CACNA1E: variants seen among roughly 807,000 people sequenced by gnomAD.
CACNA1E encodes the protein voltage-dependent R-type calcium channel subunit alpha-1E.
Under a neutral mutation model 259.2 loss-of-function variants are expected in CACNA1E, and 40 were observed. That is an observed-to-expected ratio of 0.15 (90% CI 0.12 to 0.20). The LOEUF (loss-of-function observed/expected upper bound fraction) is 0.20. CACNA1E is among the 10% of genes least tolerant of loss of function. CACNA1E has a pLI of 1.00. For missense variants in CACNA1E, 1,874 were observed against 3,040.1 expected, an observed-to-expected ratio of 0.62 and a Z score of 9.02; for synonymous variants, 1,104 against 1,138.5, an observed-to-expected ratio of 0.97 and a Z score of 0.61.
rs1246614793 is a variant in CACNA1E, at chr1:181,758,146, C to T, written c.4494+35C>T. 6.3e-7 allele frequency: 1 copy of T among 1,597,372 alleles called. No individual in the cohort carries two copies. The highest frequency in any genetic ancestry group is 8.6e-7 in the Non-Finnish European group (1 of 1,168,366). On this transcript the variant is annotated intron_variant, in intron 31 of 47. Transcript: ENST00000367573. This position sits in a 1 kb window ranked among gnomAD's most constrained non-coding sequence, Gnocchi z 4.2. ...GAGAGGCACAAGAGCCGACTGAGCCCCAGCGATGGTTCCCTCCCAGGGCAA... is the reference window on the plus strand; with the variant it reads ...GAGAGGCACAAGAGCCGACTGAGCCTCAGCGATGGTTCCCTCCCAGGGCAA...
chr1:181,685,947 A>G (rs1346306658), intron 7 of CACNA1E, among the ~76,000 whole-genome samples: 1 of 152,062 alleles, frequency 6.6e-6, no homozygotes, highest in African/African-American at 2.4e-5. Context: ...ATTGGGTTTC[A>G]TTTGAGTTAG....
At chr1:181,700,615 G>A (rs1652150445) in intron 7 of CACNA1E, among the ~76,000 whole-genome samples, 1 of 152,182 alleles carries the variant, frequency 6.6e-6, no homozygotes, top group Non-Finnish European at 1.5e-5. Context: ...AGTACAGACT[G>A]TGTGATATGG....
At chr1:181,697,458 G>C (rs1192196404) in intron 7 of CACNA1E, among the ~76,000 whole-genome samples, 1 of 152,182 alleles carries the variant, frequency 6.6e-6, no homozygotes, top group African/African-American at 2.4e-5. Context: ...AGAGCATCTG[G>C]TACATCATAA....
chr1:181,330,716 G>A (rs1651194595), intron 1 of CACNA1E, among the ~76,000 whole-genome samples: 1 of 152,196 alleles, frequency 6.6e-6, no homozygotes, highest in Admixed American at 6.5e-5. Context: ...CAGCCAGGGA[G>A]TCAGTGCTGC....
chr1:181,505,900 G>A (rs1489402413), intron 1 of CACNA1E, among the ~76,000 whole-genome samples: 3 of 152,150 alleles, frequency 2.0e-5, no homozygotes, highest in Non-Finnish European at 4.4e-5. Context: ...AGTTACCGGG[G>A]CCCCACTGTG....
rs116778255 is a variant in CACNA1E at position 181,681,208 on chromosome 1, C to G, written c.1056-29746C>G. ...CTGAGCGTGATTGCCTACCACTGCTCTAAGCCTTCTGTGTCCTTGTGACCC... is the reference window on the plus strand; with the variant it reads ...CTGAGCGTGATTGCCTACCACTGCTGTAAGCCTTCTGTGTCCTTGTGACCC... On this transcript the variant is annotated intron_variant, in intron 7 of 47. Transcript: ENST00000367573. Among the ~76,000 whole-genome samples, 562 of 152,346 alleles carry G rather than the reference C, an allele frequency of 3.7e-3. 3 individuals carry two copies. Among genetic ancestry groups the G allele is most frequent in the African/African-American group, 0.013 (535 of 41,570 alleles).
intron 44 of CACNA1E, among the ~76,000 whole-genome samples, chr1:181,791,853 C>G (rs1572905088): frequency 1.3e-5 from 2 of 152,258 alleles, no homozygotes; most frequent in African/African-American, 4.8e-5. Flanking sequence ...TCAGAGCCAC[C>G]CTGAATGATG....
intron 1 of CACNA1E, among the ~76,000 whole-genome samples, chr1:181,364,980 G>A (rs561454932): frequency 1.3e-3 from 198 of 152,248 alleles, no homozygotes; most frequent in Non-Finnish European, 1.9e-3. Flanking sequence ...CTTTGGAAGC[G>A]TTCGTTAGCC....
intron 1 of CACNA1E, among the ~76,000 whole-genome samples, chr1:181,400,412 C>T (rs1657010542): frequency 6.6e-6 from 1 of 152,126 alleles, no homozygotes; most frequent in Non-Finnish European, 1.5e-5. Flanking sequence ...ATCTGGGCTG[C>T]AGACCCTCTG....
intron 35 of CACNA1E, among the ~76,000 whole-genome samples, chr1:181,769,935 C>CTCTT (rs1412930891): frequency 6.6e-6 from 1 of 152,132 alleles, no homozygotes; most frequent in Non-Finnish European, 1.5e-5. Flanking sequence ...TACTATTTGT[C>CTCTT]TCTTTGGGGC....
intron 3 of CACNA1E, among the ~76,000 whole-genome samples, chr1:181,577,304 G>A (rs1327883537): frequency 1.3e-5 from 2 of 152,180 alleles, no homozygotes; most frequent in Non-Finnish European, 2.9e-5. Flanking sequence ...ATTCTGTCAA[G>A]GTAGAGATGA....
rs1654726039 is a variant in CACNA1E, at chr1:181,724,667, TG to T, written c.2142+132del. On this transcript the variant is annotated intron_variant, in intron 17 of 47. Coordinates refer to ENST00000367573, the MANE Select transcript of CACNA1E (RefSeq NM_001205293.3). Reference sequence around the variant, plus strand: ...CAGGAAGGCCCTTTCTGGAAACTTCTGGACAGTTGGAGAGCCACACACCCAT... The same window carrying T: ...CAGGAAGGCCCTTTCTGGAAACTTCTGACAGTTGGAGAGCCACACACCCAT... 4 of 707,332 alleles carry T rather than the reference TG, an allele frequency of 5.7e-6. No homozygotes were observed. In the Admixed American group the frequency reaches 7.2e-5, roughly 13 times the overall value. 43.8% of individuals were successfully genotyped at this position (707,332 alleles called of 1,614,324 possible).
chr1:181,718,666 A>ACC lies in CACNA1E; in HGVS notation c.1638+501_1638+502dup, dbSNP rs1553333711. ...CACACACACACACACACACACACAC[A>ACC]CCCTTATATTAGCAAGTCCTCACAG... On this transcript the variant is annotated intron_variant, in intron 12 of 47. Transcript: ENST00000367573. Among the ~76,000 whole-genome samples the ACC allele has an allele frequency of 5.9e-4, 76 of 129,540 alleles. No homozygotes were observed. The Middle Eastern group carries it at 0.011, about 19-fold the overall frequency. 85.0% of individuals were successfully genotyped at this position (129,540 alleles called of 152,430 possible). A position where few individuals can be genotyped will look rare whatever the true frequency, so the allele number is the denominator to read the frequency against.
At chr1:181,741,901 T>C (rs1257440917) in intron 25 of CACNA1E, among the ~76,000 whole-genome samples, 2 of 152,254 alleles carry the variant, frequency 1.3e-5, no homozygotes, top group Non-Finnish European at 2.9e-5. Context: ...TGTGATGTAT[T>C]GAGAGTTATG....
chr1:181,325,941 G>C (rs1650749071), intron 1 of CACNA1E, among the ~76,000 whole-genome samples: 1 of 152,162 alleles, frequency 6.6e-6, no homozygotes, highest in South Asian at 2.1e-4. Context: ...CACCAGGCAG[G>C]CTCTTGCGGC....
intron 1 of CACNA1E, among the ~76,000 whole-genome samples, chr1:181,366,579 C>T (rs1321242703): frequency 6.6e-6 from 1 of 152,116 alleles, no homozygotes; most frequent in African/African-American, 2.4e-5. Context: ...TGAGCCAAGG[C>T]TTCATAAGGG....
At chr1:181,336,763 C>A (rs1651739082) in intron 1 of CACNA1E, among the ~76,000 whole-genome samples, 1 of 152,096 alleles carries the variant, frequency 6.6e-6, no homozygotes, top group African/African-American at 2.4e-5. Context: ...CACCAATCTA[C>A]TTTCTGTCTC....
intron 6 of CACNA1E, among the ~76,000 whole-genome samples, chr1:181,631,494 C>CTCCCCCAGCATT (rs1558205817): frequency 5.4e-4 from 82 of 152,158 alleles, no homozygotes; most frequent in African/African-American, 1.9e-3. Context: ...CCCCCAGCAT[C>CTCCCCCAGCATT]GTGCTCTGAG....
intron 6 of CACNA1E, among the ~76,000 whole-genome samples, chr1:181,637,494 G>A (rs1049014608): frequency 1.6e-5 from 2 of 125,572 alleles, no homozygotes; most frequent in African/African-American, 3.1e-5. Flanking sequence ...CTTCCTTTCT[G>A]TGTGTCTTTG....
Sources: allele counts gnomAD v4.1 joint callset (sites outside exome capture counted in the v4.1 genomes callset), GRCh38; gene constraint gnomAD v4.1.1; non-coding constraint Gnocchi (gnomAD v3.1); transcripts MANE v1.5; gene names NCBI Gene and HGNC (gene_info 2026-07-23, HGNC 2026-07-21).